CLDN16: variants seen among roughly 807,000 people sequenced by gnomAD.
CLDN16 encodes claudin 16, also known as claudin-16.
CLDN16 carries 13 observed loss-of-function variants against 24.6 expected under a neutral mutation model. That is an observed-to-expected ratio of 0.53 (90% CI 0.34 to 0.84). The LOEUF is 0.84. CLDN16 is among the 40% of genes least tolerant of loss of function. The probability of loss-of-function intolerance (pLI) is 0.01; values close to 1 mark genes in which losing one functional copy is unlikely to be tolerated. For synonymous variants in CLDN16, 116 were observed against 106.7 expected, an observed-to-expected ratio of 1.09 and a Z score of -0.54; for missense variants, 298 against 292.7, an observed-to-expected ratio of 1.02 and a Z score of -0.13.
chr3:190,360,115 G>A (rs538609961), intron 1 of CLDN16, among the ~76,000 whole-genome samples: 1 of 151,938 alleles, frequency 6.6e-6, no homozygotes, highest in Non-Finnish European at 1.5e-5. Flanking sequence ...AGCAAAGTAG[G>A]CAAGAAACAA....
chr3:190,386,140 C>G (rs1026660484), upstream of CLDN16, among the ~76,000 whole-genome samples: 4 of 150,416 alleles, frequency 2.7e-5, no homozygotes, highest in Non-Finnish European at 4.5e-5. Flanking sequence ...GGTTTGCTCT[C>G]CCAGATCAGC....
At chr3:190,327,918 T>C (rs78549499) in intron 1 of CLDN16, among the ~76,000 whole-genome samples, 3,723 of 152,276 alleles carry the variant, frequency 0.024, 149 homozygotes, top group African/African-American at 0.085. Flanking sequence ...GACTCACAAG[T>C]AGATCTTGTT....
chr3:190,390,572 G>A (rs376384352), intron 1 of CLDN16, among the ~76,000 whole-genome samples: 3 of 151,942 alleles, frequency 2.0e-5, no homozygotes, highest in Admixed American at 6.6e-5. Flanking sequence ...TAACAAATCC[G>A]GCTCCCTTCT....
chr3:190,295,062 C>T, the CLDN16 span, among the ~76,000 whole-genome samples: 1 of 151,932 alleles, frequency 6.6e-6, no homozygotes, highest in Non-Finnish European at 1.5e-5. Context: ...AGACAATTTC[C>T]CTATAAATTT....
intron 3 of CLDN16, among the ~76,000 whole-genome samples, chr3:190,382,766 C>G (rs537245844): frequency 1.3e-5 from 2 of 152,134 alleles, no homozygotes; most frequent in South Asian, 4.1e-4. Flanking sequence ...TTGCTCTGTT[C>G]CCTTTTTGAA....
intron 1 of CLDN16, among the ~76,000 whole-genome samples, chr3:190,339,031 G>T (rs1397611047): frequency 1.3e-5 from 2 of 152,200 alleles, no homozygotes; most frequent in African/African-American, 2.4e-5. Context: ...ACTGACAAGT[G>T]CAGGGATAAG....
chr3:190,334,888 T>C (rs1388268023), intron 1 of CLDN16, among the ~76,000 whole-genome samples: 6 of 152,206 alleles, frequency 3.9e-5, no homozygotes, highest in Admixed American at 3.9e-4. Context: ...GGAACAGCCT[T>C]GCCCCCTTGC....
chr3:190,334,881 A>G lies in CLDN16; in HGVS notation n.121+12220A>G, dbSNP rs554729853. Among the ~76,000 whole-genome samples, 395 of 152,324 alleles carry G rather than the reference A, an allele frequency of 2.6e-3. 3 individuals are homozygous for G. Among genetic ancestry groups the G allele is most frequent in the Non-Finnish European group, 4.3e-3 (290 of 68,026 alleles). On this transcript the variant is annotated intron_variant and non_coding_transcript_variant, in intron 1 of 4. Transcript: ENST00000468220. ...GGTGGTTGACCTATGCAATGGTGGA[A>G]CAGCCTTGCCCCCTTGCATCTAGGC...
chr3:190,406,459 T>C (rs888129117), intron 3 of CLDN16, among the ~76,000 whole-genome samples: 3 of 152,156 alleles, frequency 2.0e-5, no homozygotes, highest in Non-Finnish European at 2.9e-5. Flanking sequence ...AAATAACCCA[T>C]CTTATGTAAA....
the CLDN16 span, chr3:190,310,399 G>T: frequency 1.6e-6 from 1 of 617,034 alleles, no homozygotes; most frequent in Non-Finnish European, 2.8e-6. Context: ...GAGATTAGAA[G>T]TCCAGATATG....
intron 4 of CLDN16, among the ~76,000 whole-genome samples, chr3:190,409,674 A>T (rs892275268): frequency 6.6e-6 from 1 of 152,002 alleles, no homozygotes; most frequent in Admixed American, 6.6e-5. Context: ...TCTCCTGATG[A>T]AGAAAAAAAA....
chr3:190,318,479 G>A (rs926771418), upstream of CLDN16, among the ~76,000 whole-genome samples: 2 of 152,122 alleles, frequency 1.3e-5, no homozygotes, highest in African/African-American at 4.8e-5. Context: ...GCTTGCATCT[G>A]TTGAATGGAT....
At chr3:190,393,789 C>T (rs1464009399) in intron 1 of CLDN16, among the ~76,000 whole-genome samples, 5 of 135,570 alleles carry the variant, frequency 3.7e-5, no homozygotes, top group East Asian at 4.5e-4. Context: ...CTCTCTCTGT[C>T]GCCCAAGCTG....
rs919380095 is a variant in CLDN16, at chr3:190,411,408, G to T, written c.*1372G>T. On this transcript the variant is annotated 3_prime_UTR_variant, in exon 5 of 5. Coordinates refer to ENST00000264734, the MANE Select transcript of CLDN16 (RefSeq NM_006580.4). Reference sequence around the variant, plus strand: ...CATCTTGAATTTTTTTAATTGTAGCGATTTTAAAAATGTTTGTAAAATTTA... The same window carrying T: ...CATCTTGAATTTTTTTAATTGTAGCTATTTTAAAAATGTTTGTAAAATTTA... The T allele has an allele frequency of 1.3e-5, 2 of 151,906 alleles. No homozygotes were observed. Among genetic ancestry groups the T allele is most frequent in the African/African-American group, 2.4e-5 (1 of 41,350 alleles). 9.4% of individuals were successfully genotyped at this position (151,906 alleles called of 1,614,324 possible). A position where few individuals can be genotyped will look rare whatever the true frequency, so the allele number is the denominator to read the frequency against.
the CLDN16 span, among the ~76,000 whole-genome samples, chr3:190,298,346 T>C: frequency 1.3e-5 from 1 of 75,460 alleles, no homozygotes; most frequent in African/African-American, 8.5e-5. Context: ...ACATGTATAT[T>C]ATACACACAC....
chr3:190,401,181 G>T (rs1718951103), intron 1 of CLDN16, among the ~76,000 whole-genome samples: 2 of 152,046 alleles, frequency 1.3e-5, no homozygotes, highest in Admixed American at 1.3e-4. Flanking sequence ...ATTTTATTTG[G>T]CACATAACAC....
At chr3:190,395,045 G>T (rs971965631) in intron 1 of CLDN16, among the ~76,000 whole-genome samples, 5 of 152,074 alleles carry the variant, frequency 3.3e-5, no homozygotes, top group Non-Finnish European at 5.9e-5. Flanking sequence ...AACATAAATT[G>T]TGATCTTTAT....
chr3:190,409,203 T>TGTATATATGCACACACGTATATGCAG, intron 4 of CLDN16, among the ~76,000 whole-genome samples: 1 of 151,158 alleles, frequency 6.6e-6, no homozygotes, highest in Non-Finnish European at 1.5e-5. Flanking sequence ...CGTATATGCA[T>TGTATATATGCACACACGTATATGCAG]GTATATATGC....
the CLDN16 span, among the ~76,000 whole-genome samples, chr3:190,301,144 C>T: frequency 2.0e-5 from 3 of 152,028 alleles, no homozygotes; most frequent in African/African-American, 7.2e-5. Context: ...TTCATATGCC[C>T]GTTTTTCTAC....
Sources: gnomAD v4.1 joint callset for allele counts (sites outside exome capture counted in the v4.1 genomes callset) on GRCh38, gnomAD v4.1.1 for gene constraint, MANE v1.5 for transcripts, NCBI Gene and HGNC (gene_info 2026-07-23, HGNC 2026-07-21) for gene names.